Variants in LRRTM4 observed in about 807,000 individuals in gnomAD.
LRRTM4 encodes leucine-rich repeat transmembrane neuronal protein 4.
In LRRTM4, 25 loss-of-function variants were observed where a neutral mutation model predicts 47.6. The ratio of observed to expected loss-of-function variants is 0.53; its 90% CI spans 0.38 to 0.73. LRRTM4 has a LOEUF of 0.73. Ranked by LOEUF, LRRTM4 falls within the 30% of genes least tolerant of loss-of-function variation. The pLI is 0.00. For missense variants in LRRTM4, 638 were observed against 713.4 expected, an observed-to-expected ratio of 0.89 and a Z score of 1.20; for synonymous variants, 311 against 269.5, an observed-to-expected ratio of 1.15 and a Z score of -1.51.
chr2:77,149,798 C>T (rs1490589818), intron 3 of LRRTM4, among the ~76,000 whole-genome samples: 1 of 152,172 alleles, frequency 6.6e-6, no homozygotes, highest in Non-Finnish European at 1.5e-5. Context: ...GTCAGCATCT[C>T]ACACCTCACT....
intron 3 of LRRTM4, among the ~76,000 whole-genome samples, chr2:77,229,404 CCTT>C (rs1674903319): frequency 6.6e-6 from 1 of 152,068 alleles, no homozygotes; most frequent in Admixed American, 6.6e-5. Context: ...TGATTTCTAA[CCTT>C]CTTTGATATA....
intron 3 of LRRTM4, among the ~76,000 whole-genome samples, chr2:77,199,397 G>A (rs1053207500): frequency 6.6e-6 from 1 of 152,006 alleles, no homozygotes; most frequent in African/African-American, 2.4e-5. Flanking sequence ...TAGATATATT[G>A]GCTCCAGAGT....
chr2:76,969,491 C>A (rs1309591516), intron 3 of LRRTM4, among the ~76,000 whole-genome samples: 1 of 151,796 alleles, frequency 6.6e-6, no homozygotes, highest in Admixed American at 6.6e-5. Context: ...TTAGGCCATT[C>A]AGGTGGACAT....
intron 3 of LRRTM4, among the ~76,000 whole-genome samples, chr2:77,234,724 G>A (rs1307497898): frequency 6.6e-6 from 1 of 151,990 alleles, no homozygotes; most frequent in Non-Finnish European, 1.5e-5. Context: ...CTGGTGGATG[G>A]GACTTGGACA....
At chr2:77,442,970 A>ATTATGTAC (rs1267283801) in intron 3 of LRRTM4, among the ~76,000 whole-genome samples, 9 of 152,140 alleles carry the variant, frequency 5.9e-5, no homozygotes. Context: ...TAGGTGCCTG[A>ATTATGTAC]AACATAATAA....
intron 3 of LRRTM4, among the ~76,000 whole-genome samples, chr2:77,448,815 T>C (rs1676148669): frequency 6.6e-6 from 1 of 152,294 alleles, no homozygotes; most frequent in East Asian, 1.9e-4. Context: ...CCTAACAAAG[T>C]TAAGAATGCA....
At chr2:77,029,697 T>C (rs1291415278) in intron 3 of LRRTM4, among the ~76,000 whole-genome samples, 1 of 152,170 alleles carries the variant, frequency 6.6e-6, no homozygotes, top group Non-Finnish European at 1.5e-5. Context: ...ATCTAATATA[T>C]GGTGATGCGA....
At chr2:77,509,313 T>C (rs1046512806) in intron 3 of LRRTM4, among the ~76,000 whole-genome samples, 1 of 151,742 alleles carries the variant, frequency 6.6e-6, no homozygotes, top group African/African-American at 2.4e-5. Flanking sequence ...TCTGATAAGA[T>C]AGGGAATTTA....
intron 3 of LRRTM4, among the ~76,000 whole-genome samples, chr2:77,491,906 A>C (rs1464644401): frequency 6.6e-6 from 1 of 151,984 alleles, no homozygotes; most frequent in Non-Finnish European, 1.5e-5. Context: ...TGAAATGGTA[A>C]TAAAGATGAG....
At chr2:77,304,388 T>C (rs188656372) in intron 3 of LRRTM4, among the ~76,000 whole-genome samples, 4 of 152,256 alleles carry the variant, frequency 2.6e-5, no homozygotes, top group Admixed American at 6.5e-5. Flanking sequence ...TTTTATCTTA[T>C]AAAGAGAAGT....
At chr2:76,851,226 A>G (rs1671983457) in intron 3 of LRRTM4, among the ~76,000 whole-genome samples, 1 of 152,200 alleles carries the variant, frequency 6.6e-6, no homozygotes, top group South Asian at 2.1e-4. Context: ...CAAGGCTCAC[A>G]GCATCTTTTG....
intron 3 of LRRTM4, among the ~76,000 whole-genome samples, chr2:76,872,409 A>C (rs1454746892): frequency 1.3e-5 from 2 of 152,006 alleles, no homozygotes; most frequent in African/African-American, 4.8e-5. Context: ...GCTACTCCCT[A>C]CTTGGCTATA....
At chr2:77,038,820 G>A (rs1299639595) in intron 3 of LRRTM4, among the ~76,000 whole-genome samples, 3 of 151,374 alleles carry the variant, frequency 2.0e-5, no homozygotes, top group Non-Finnish European at 4.4e-5. Flanking sequence ...TACTGCTCAT[G>A]GATCTAACCA....
Position 77,072,814 on chromosome 2 carries a change from A to AAAAC in LRRTM4, c.1552-323899_1552-323898insGTTT, listed in dbSNP as rs1250706025. ...ACTCCGTCTTCCAAAAAAAAAAAAA[A>AAAAC]AAAAAAAAACAAAGGCTGCCTTACA... On this transcript the variant is annotated intron_variant, in intron 3 of 3. Transcript: ENST00000409884. Among the ~76,000 whole-genome samples the AAAAC allele has an allele frequency of 3.3e-5, 5 of 151,510 alleles. No individual in the cohort carries two copies. In the East Asian group the frequency reaches 5.9e-4, roughly 18 times the overall value.
intron 3 of LRRTM4, among the ~76,000 whole-genome samples, chr2:76,916,384 C>CAAAAAAA (rs57874749): frequency 0.11 from 5,780 of 53,348 alleles, 672 homozygotes; most frequent in Non-Finnish European, 0.16. Flanking sequence ...GACTGTGTCT[C>CAAAAAAA]AAAAAAAAAA....
chr2:77,475,531 A>G (rs1677352908), intron 3 of LRRTM4, among the ~76,000 whole-genome samples: 1 of 152,088 alleles, frequency 6.6e-6, no homozygotes, highest in Non-Finnish European at 1.5e-5. Context: ...TTTTCTCTAC[A>G]GAATTTCTTC....
At chr2:77,002,091 CTT>C (rs1298091540) in intron 3 of LRRTM4, among the ~76,000 whole-genome samples, 1 of 152,140 alleles carries the variant, frequency 6.6e-6, no homozygotes, top group Non-Finnish European at 1.5e-5. Context: ...ATCATGATGA[CTT>C]TGCAAATCTT....
chr2:77,416,942 C>T lies in LRRTM4; in HGVS notation c.1551+101376G>A, dbSNP rs183608167. ...TCTGCAAAGCAAAAGAAACTACCAT[C>T]AGAGAGAACAGGCAAGCTACAGAAT... On this transcript the variant is annotated intron_variant, in intron 3 of 3. Transcript: ENST00000409884. 8.8e-4 allele frequency among the ~76,000 whole-genome samples: 134 copies of T among 152,154 alleles called. 1 individual carries two copies. In the East Asian group the frequency reaches 0.02, roughly 23 times the overall value.
At chr2:77,354,376 A>G (rs903004558) in intron 3 of LRRTM4, among the ~76,000 whole-genome samples, 2 of 136,092 alleles carry the variant, frequency 1.5e-5, no homozygotes, top group Non-Finnish European at 3.0e-5. Flanking sequence ...TCACCTGAAG[A>G]TCTTCTTAAA....
Sources: gnomAD v4.1 joint callset for allele counts (sites outside exome capture counted in the v4.1 genomes callset) on GRCh38, gnomAD v4.1.1 for gene constraint, MANE v1.5 for transcripts, NCBI Gene and HGNC (gene_info 2026-07-23, HGNC 2026-07-21) for gene names.